The following CRKL variants were observed in gnomAD, a reference collection of about 807,000 sequenced individuals.
CRKL encodes CRK like proto-oncogene, adaptor protein.
A neutral mutation model predicts 23.0 loss-of-function variants in CRKL; 3 were observed. The observed-to-expected ratio is 0.13, with a 90% CI of 0.06 to 0.34. The LOEUF (loss-of-function observed/expected upper bound fraction) is 0.34, where lower values mean the gene tolerates loss of function less well. Among genes scored for constraint, CRKL ranks in the 10% least tolerant of loss-of-function variants. CRKL has a pLI of 1.00. For missense variants in CRKL, 256 were observed against 394.5 expected (o/e 0.65, Z 2.97); for synonymous variants, 188 against 160.7 (o/e 1.17, Z -1.28).
chr22:20,948,145 T>A lies in CRKL; in HGVS notation c.778-1566T>A, dbSNP rs115735347. Among the ~76,000 whole-genome samples, 501 of 152,314 alleles carry A rather than the reference T, an allele frequency of 3.3e-3. 1 individual carries two copies. The highest frequency in any genetic ancestry group is 0.012 in the African/African-American group (482 of 41,558). ...TGATTAGGTAGGATCATGTAGAAAG[T>A]ATCCTGTTGAAGACCGCCAGACTCA... is the stretch of plus-strand genomic sequence containing the variant. On this transcript the variant is annotated intron_variant, in intron 2 of 2. Transcript: ENST00000354336.
intron 2 of CRKL, among the ~76,000 whole-genome samples, chr22:20,946,408 T>G (rs2147915593): frequency 6.6e-6 from 1 of 152,256 alleles, no homozygotes; most frequent in East Asian, 1.9e-4. Flanking sequence ...CATATGTGTT[T>G]TAGAGTTAAT....
chr22:20,933,676 G>C (rs1444351093), intron 1 of CRKL, 103 bp from the exon 2 acceptor site: 1 of 1,021,364 alleles, frequency 9.8e-7, no homozygotes, highest in Non-Finnish European at 1.4e-6. Context: ...TCATAAAAAA[G>C]GAAAATAATT....
At chr22:20,924,078 C>T (rs1433591509) in intron 1 of CRKL, among the ~76,000 whole-genome samples, 1 of 152,210 alleles carries the variant, frequency 6.6e-6, no homozygotes, top group Middle Eastern at 3.4e-3. Flanking sequence ...GTCCCAGCTA[C>T]TTGGGAGGCT....
intron 2 of CRKL, among the ~76,000 whole-genome samples, chr22:20,937,513 T>C (rs1921708887): frequency 6.7e-6 from 1 of 149,264 alleles, no homozygotes; most frequent in East Asian, 2.0e-4. Flanking sequence ...TAGGAGGTTG[T>C]AGGGAGGAAT....
rs370457024 is a variant in CRKL, at chr22:20,923,657, C to G, written c.311+5412C>G. 1.3e-4 allele frequency among the ~76,000 whole-genome samples: 20 copies of G among 149,464 alleles called. No individual in the cohort carries two copies. The South Asian group carries it at 3.0e-3, about 22-fold the overall frequency. The stretch of plus-strand genomic sequence containing the variant: ...TGGTGCAATCTTGGCTCACTGCAAC[C>G]TCCACCTCCTAGGTTCAAGTGATTC... On this transcript the variant is annotated intron_variant, in intron 1 of 2. Coordinates refer to ENST00000354336, the MANE Select transcript of CRKL (RefSeq NM_005207.4).
At chr22:20,927,513 C>CGTTTTTTT (rs71186694) in intron 1 of CRKL, among the ~76,000 whole-genome samples, 2 of 139,898 alleles carry the variant, frequency 1.4e-5, no homozygotes, top group Non-Finnish European at 1.5e-5. Context: ...AGTTTTCTAC[C>CGTTTTTTT]TTTTTTTTTT....
chr22:20,930,528 C>T lies in CRKL; in HGVS notation c.312-3251C>T, dbSNP rs573952243. ...CCAAGTAGCTGGGCCTACAGGCGCA[C>T]GCCACCACACCTGGCTAACTTTTGT... On this transcript the variant is annotated intron_variant, in intron 1 of 2. Coordinates refer to ENST00000354336, the MANE Select transcript of CRKL (RefSeq NM_005207.4). Among the ~76,000 whole-genome samples, 18 of 151,630 alleles carry T rather than the reference C, an allele frequency of 1.2e-4. No individual in the cohort carries two copies. In the South Asian group the frequency reaches 2.3e-3, roughly 19 times the overall value.
chr22:20,939,333 C>T lies in CRKL; in HGVS notation c.777+5089C>T, dbSNP rs1480329294. Among the ~76,000 whole-genome samples the T allele has an allele frequency of 2.1e-5, 3 of 142,722 alleles. No homozygotes were observed. The East Asian group carries it at 6.7e-4, about 32-fold the overall frequency. The allele number at this position is 142,722 out of a possible 152,430, so 93.6% of individuals were successfully genotyped here. ...TTGGCTCACTGCAAGCTCCGCCTCC[C>T]GGGTTCACGCCATTCTCCTGCCTCA... is the stretch of plus-strand genomic sequence containing the variant. On this transcript the variant is annotated intron_variant, in intron 2 of 2. Transcript: ENST00000354336.
intron 1 of CRKL, among the ~76,000 whole-genome samples, chr22:20,927,842 C>CAAA (rs796204860): frequency 0.011 from 599 of 56,198 alleles, 11 homozygotes; most frequent in African/African-American, 0.034. Flanking sequence ...GACTCTGTCT[C>CAAA]AAAAAAAAAA....
chr22:20,927,581 G>A (rs960819641), intron 1 of CRKL, among the ~76,000 whole-genome samples: 17 of 146,082 alleles, frequency 1.2e-4, no homozygotes, highest in African/African-American at 3.8e-4. Flanking sequence ...CGTGGCTCAC[G>A]CCTGTAATCT....
intron 2 of CRKL, among the ~76,000 whole-genome samples, chr22:20,941,536 TTATGTGTGTGTG>T (rs1569136874): frequency 1.2e-4 from 10 of 80,692 alleles, no homozygotes; most frequent in African/African-American, 4.2e-4. Context: ...TATATATATT[TTATGTGTGTGTG>T]TGTGTGTGTG....
Position 20,953,634 on chromosome 22 carries a change from C to G in CRKL, c.*3789C>G, listed in dbSNP as rs927620862. On this transcript the variant is annotated 3_prime_UTR_variant, in exon 3 of 3. Transcript: ENST00000354336. ...GTGTCTTTTCTTAACAGATTAGTGC[C>G]TTTTTATTTTTGTATTCCGTTTTAC... 9.6e-6 allele frequency: 2 copies of G among 207,548 alleles called. No individual in the cohort carries two copies. Among genetic ancestry groups the G allele is most frequent in the Non-Finnish European group, 2.0e-5 (2 of 101,762 alleles). The allele number at this position is 207,548 out of a possible 1,614,324, so 12.9% of individuals were successfully genotyped here.
intron 2 of CRKL, among the ~76,000 whole-genome samples, chr22:20,935,750 T>C (rs1188835925): frequency 6.6e-6 from 1 of 151,530 alleles, no homozygotes; most frequent in Non-Finnish European, 1.5e-5. Flanking sequence ...GGTCTCGAAC[T>C]CCTGACCTCA....
intron 1 of CRKL, among the ~76,000 whole-genome samples, chr22:20,930,223 A>G (rs779670109): frequency 6.6e-6 from 1 of 152,194 alleles, no homozygotes; most frequent in Non-Finnish European, 1.5e-5. Flanking sequence ...TCCCTAACCC[A>G]GGAATTTAGA....
rs1922336004 is a variant in CRKL at position 20,953,059 on chromosome 22, T to C, written c.*3214T>C. The stretch of plus-strand genomic sequence containing the variant: ...CAGGCCTGAGGCAGATGGCCACTGC[T>C]CTTGTGATGTTTGCTCAGAGGAATA... On this transcript the variant is annotated 3_prime_UTR_variant, in exon 3 of 3. Transcript: ENST00000354336. The C allele has an allele frequency of 4.3e-6, 1 of 232,426 alleles. No homozygotes were observed. Among genetic ancestry groups the C allele is most frequent in the Non-Finnish European group, 8.5e-6 (1 of 117,332 alleles). The allele number at this position is 232,426 out of a possible 1,614,324, so 14.4% of individuals were successfully genotyped here.
chr22:20,941,080 CA>C (rs1160205209), intron 2 of CRKL, among the ~76,000 whole-genome samples: 1 of 151,990 alleles, frequency 6.6e-6, no homozygotes, highest in Non-Finnish European at 1.5e-5. Flanking sequence ...GCATCTGACT[CA>C]GCCCTGGGGG....
In CRKL at chr22:20,953,698, C is replaced by T. The variant is rs950846759; in HGVS notation, c.*3853C>T. The stretch of plus-strand genomic sequence containing the variant: ...GCATCAAAACCCTTGTTTCCATGGC[C>T]TGTTTGTATATTGTCTCAATAAAAC... On this transcript the variant is annotated 3_prime_UTR_variant, in exon 3 of 3. Coordinates refer to ENST00000354336, the MANE Select transcript of CRKL (RefSeq NM_005207.4). 1 of 191,900 alleles carries T rather than the reference C, an allele frequency of 5.2e-6. No homozygotes were observed. 11.9% of individuals were successfully genotyped at this position (191,900 alleles called of 1,614,324 possible).
intron 2 of CRKL, among the ~76,000 whole-genome samples, chr22:20,941,538 ATGTGTGTGTGTGTGTGTGTGTGTGTG>A (rs1187984983): frequency 5.9e-5 from 3 of 50,436 alleles, no homozygotes; most frequent in Non-Finnish European, 1.1e-4. Context: ...TATATATTTT[ATGTGTGTGTGTGTGTGTGTGTGTGTG>A]TGTGTGTGTG....
rs1415831050 is a variant in CRKL at position 20,917,940 on chromosome 22, C to A, written c.6C>A (p.Ser2=). 1 of 1,613,420 alleles carries A rather than the reference C, an allele frequency of 6.2e-7. No homozygotes were observed. Among genetic ancestry groups the A allele is most frequent in the South Asian group, 1.1e-5 (1 of 91,004 alleles). M[S]SARFDSSDRS... The stretch of plus-strand genomic sequence containing the variant: ...AGAGTCCCCGGTCCAACACCATGTC[C>A]TCCGCCAGGTTCGACTCCTCGGACC... Residue 2 remains serine, a synonymous_variant, in exon 1 of 3, where the codon TCC becomes TCA. Coordinates refer to ENST00000354336, the MANE Select transcript of CRKL (RefSeq NM_005207.4).
Sources: gnomAD v4.1 joint callset for allele counts (sites outside exome capture counted in the v4.1 genomes callset) on GRCh38, gnomAD v4.1.1 for gene constraint, MANE v1.5 for transcripts, NCBI Gene and HGNC (gene_info 2026-07-23, HGNC 2026-07-21) for gene names.